The following SEMA3D variants were observed in gnomAD, a reference collection of about 807,000 sequenced individuals.
SEMA3D encodes semaphorin-3D.
In SEMA3D, 84 loss-of-function variants were observed where a neutral mutation model predicts 100.1. The observed-to-expected ratio is 0.84, with a 90% CI of 0.70 to 1.01. The LOEUF (loss-of-function observed/expected upper bound fraction) is 1.01, where lower values mean the gene tolerates loss of function less well. Ranked by LOEUF, SEMA3D falls within the 50% of genes least tolerant of loss-of-function variation. The pLI is 0.00. For synonymous variants in SEMA3D, 312 were observed against 320.7 expected (o/e 0.97, Z 0.29); for missense variants, 875 against 934.1 (o/e 0.94, Z 0.82).
At chr7:85,159,694 T>G (rs1180987527) in intron 1 of SEMA3D, among the ~76,000 whole-genome samples, 3 of 152,220 alleles carry the variant, frequency 2.0e-5, no homozygotes, top group Non-Finnish European at 4.4e-5. Flanking sequence ...TATTCTCACT[T>G]AATCATCGTA....
chr7:85,152,354 C>T (rs1011642357), intron 2 of SEMA3D, among the ~76,000 whole-genome samples: 2 of 152,060 alleles, frequency 1.3e-5, no homozygotes, highest in African/African-American at 4.8e-5. Context: ...TCTCCGATCA[C>T]CAAATTAAAT....
intron 3 of SEMA3D, among the ~76,000 whole-genome samples, chr7:85,108,358 GAA>G: frequency 6.6e-6 from 1 of 152,098 alleles, no homozygotes; most frequent in Non-Finnish European, 1.5e-5. Flanking sequence ...ATAATTTAGA[GAA>G]GTTAATGTGC....
At chr7:85,241,118 A>C in the SEMA3D span, among the ~76,000 whole-genome samples, 1 of 152,080 alleles carries the variant, frequency 6.6e-6, no homozygotes. Context: ...ACAACGAAAT[A>C]CCACCTTACT....
At chr7:85,231,551 C>T in the SEMA3D span, among the ~76,000 whole-genome samples, 7 of 150,738 alleles carry the variant, frequency 4.6e-5, no homozygotes, top group Non-Finnish European at 5.9e-5. Context: ...CCCGGGTTCA[C>T]GCCATTCTCC....
intron 12 of SEMA3D, among the ~76,000 whole-genome samples, chr7:85,036,211 A>G (rs1311494931): frequency 2.0e-5 from 3 of 152,104 alleles, no homozygotes; most frequent in Non-Finnish European, 4.4e-5. Flanking sequence ...AATATCAACA[A>G]ATGTTTTAAA....
chr7:85,028,590 C>A (rs78969478), intron 12 of SEMA3D: 7,077 of 245,204 alleles, frequency 0.029, 411 homozygotes, highest in East Asian at 0.2. Context: ...GGAAGGACAC[C>A]GTGAGAACAA....
chr7:85,038,684 T>C (rs1337982824), intron 11 of SEMA3D, among the ~76,000 whole-genome samples: 1 of 152,174 alleles, frequency 6.6e-6, no homozygotes, highest in Non-Finnish European at 1.5e-5. Context: ...AAGAAAGTTC[T>C]GCAATTGGAA....
Position 84,997,191 on chromosome 7 carries a change from A to G in SEMA3D, c.*2249T>C, listed in dbSNP as rs1789525256. On this transcript the variant is annotated 3_prime_UTR_variant, in exon 19 of 19. Transcript: ENST00000284136. Reference sequence around the variant, plus strand: ...ACTAAAAAATGGTTTGGACATTCAAATTTGGATAGAAATAAAATTTATTTT... The same window carrying G: ...ACTAAAAAATGGTTTGGACATTCAAGTTTGGATAGAAATAAAATTTATTTT... 1 of 152,086 alleles carries G rather than the reference A, an allele frequency of 6.6e-6. No homozygotes were observed. The highest frequency in any genetic ancestry group is 1.5e-5 in the Non-Finnish European group (1 of 67,936). The allele number at this position is 152,086 out of a possible 1,614,324, so 9.4% of individuals were successfully genotyped here.
chr7:85,149,054 T>G (rs1790292319), intron 2 of SEMA3D, among the ~76,000 whole-genome samples: 1 of 151,984 alleles, frequency 6.6e-6, no homozygotes, highest in Non-Finnish European at 1.5e-5. Context: ...TAAAAGGTAT[T>G]AACAGGAAAC....
At chr7:85,018,698 G>T (rs1469060702) in intron 14 of SEMA3D, among the ~76,000 whole-genome samples, 1 of 151,682 alleles carries the variant, frequency 6.6e-6, no homozygotes, top group Non-Finnish European at 1.5e-5. Context: ...GGTTCAAAAA[G>T]TTGTTTAAGT....
intron 4 of SEMA3D, among the ~76,000 whole-genome samples, chr7:85,094,226 A>G (rs1488127429): frequency 6.6e-6 from 1 of 151,986 alleles, no homozygotes; most frequent in African/African-American, 2.4e-5. Flanking sequence ...TGGGCTAGGA[A>G]GAGCCTTAGA....
At chr7:85,241,429 C>G in the SEMA3D span, among the ~76,000 whole-genome samples, 1 of 134,962 alleles carries the variant, frequency 7.4e-6, no homozygotes, top group South Asian at 2.4e-4. Context: ...AACCCAAATG[C>G]CCATCAATCA....
At chr7:85,083,881 C>T (rs1401739989) in intron 4 of SEMA3D, among the ~76,000 whole-genome samples, 2 of 147,888 alleles carry the variant, frequency 1.4e-5, no homozygotes, top group Admixed American at 1.4e-4. Context: ...GGGGTGGTGG[C>T]TCACGCCTCT....
rs75253800 is a variant in SEMA3D, at chr7:85,061,573, A to G, written c.718+3851T>C. ...TGTATTCTCTCCCCTCCCACTCCTG[A>G]CTCCAGACAGATGACTCCATTGACT... On this transcript the variant is annotated intron_variant, in intron 8 of 18. Transcript: ENST00000284136. 6.9e-3 allele frequency among the ~76,000 whole-genome samples: 1,044 copies of G among 152,098 alleles called. 9 individuals are homozygous for G. Among genetic ancestry groups the G allele is most frequent in the African/African-American group, 0.024 (1,001 of 41,506 alleles).
At chr7:85,104,745 T>C (rs1788860172) in intron 3 of SEMA3D, among the ~76,000 whole-genome samples, 1 of 151,558 alleles carries the variant, frequency 6.6e-6, no homozygotes, top group Non-Finnish European at 1.5e-5. Context: ...TGGGTGGAGT[T>C]GTCAGTTTCT....
rs529245830 is a variant in SEMA3D at position 85,012,983 on chromosome 7, T to C, written c.1704-137A>G. On this transcript the variant is annotated intron_variant, in intron 16 of 18. Transcript: ENST00000284136. ...AGTTCAACTTAAATGCAAGTCAATA[T>C]TCCAATCAATCTAACATTGATTTAA... 8 of 614,224 alleles carry C rather than the reference T, an allele frequency of 1.3e-5. No homozygotes were observed. The South Asian group carries it at 1.6e-4, about 13-fold the overall frequency. 38.0% of individuals were successfully genotyped at this position (614,224 alleles called of 1,614,324 possible).
At chr7:85,178,228 A>T (rs1791294301) in intron 1 of SEMA3D, among the ~76,000 whole-genome samples, 1 of 152,198 alleles carries the variant, frequency 6.6e-6, no homozygotes, top group African/African-American at 2.4e-5. Flanking sequence ...TAACACAGTA[A>T]ATCAGTACTG....
intron 2 of SEMA3D, among the ~76,000 whole-genome samples, chr7:85,128,222 C>T (rs536176534): frequency 6.6e-6 from 1 of 151,854 alleles, no homozygotes; most frequent in East Asian, 1.9e-4. Flanking sequence ...GACAGGAGTG[C>T]AGTGGAGCAA....
intron 2 of SEMA3D, among the ~76,000 whole-genome samples, chr7:85,126,994 A>G (rs1197889258): frequency 6.6e-6 from 1 of 152,160 alleles, no homozygotes; most frequent in Non-Finnish European, 1.5e-5. Flanking sequence ...CTACTTTAGT[A>G]AGATAGCAAG....
Sources: gnomAD v4.1 joint callset for allele counts (sites outside exome capture counted in the v4.1 genomes callset) on GRCh38, gnomAD v4.1.1 for gene constraint, MANE v1.5 for transcripts, NCBI Gene and HGNC (gene_info 2026-07-23, HGNC 2026-07-21) for gene names.